Variants in CHEK1 observed in about 807,000 individuals in gnomAD.
CHEK1 encodes checkpoint kinase 1.
Under a neutral mutation model 60.2 loss-of-function variants are expected in CHEK1, and 32 were observed. The observed-to-expected ratio is 0.53, with a 90% CI of 0.40 to 0.71. The LOEUF (loss-of-function observed/expected upper bound fraction) is 0.71. Ranked by LOEUF, CHEK1 falls within the 30% of genes least tolerant of loss-of-function variation. CHEK1 has a pLI of 0.00. For missense variants in CHEK1, 399 were observed against 564.6 expected (o/e 0.71, Z 2.97); for synonymous variants, 179 against 187.2 (o/e 0.96, Z 0.36).
chr11:125,675,617 C>T (rs1403731825), intron 13 of CHEK1, among the ~76,000 whole-genome samples: 1 of 152,208 alleles, frequency 6.6e-6, no homozygotes, highest in Non-Finnish European at 1.5e-5. Context: ...TGGGAATATA[C>T]TCAGACTGGT....
At position 125,656,011 on chromosome 11, in the gene CHEK1, T is replaced by G. The variant is rs1941893141; in HGVS notation, c.*691T>G. On this transcript the variant is annotated 3_prime_UTR_variant, in exon 13 of 13. Transcript: ENST00000438015. ...ACATCTTAAATATTTTTCTATATTT[T>G]CTACTTTCATAGCCATATTTTAACC... 1 of 209,844 alleles carries G rather than the reference T, an allele frequency of 4.8e-6. No homozygotes were observed. Among genetic ancestry groups the G allele is most frequent in the African/African-American group, 2.3e-5 (1 of 44,068 alleles). The allele number at this position is 209,844 out of a possible 1,614,324, so 13.0% of individuals were successfully genotyped here.
At chr11:125,631,954 G>A (rs1198431653) in intron 5 of CHEK1, among the ~76,000 whole-genome samples, 1 of 149,220 alleles carries the variant, frequency 6.7e-6, no homozygotes, top group African/African-American at 2.5e-5. Context: ...TACATATTGT[G>A]TGAATGTACT....
chr11:125,628,983 A>G (rs576324611), intron 3 of CHEK1, among the ~76,000 whole-genome samples: 3 of 152,316 alleles, frequency 2.0e-5, no homozygotes, highest in Admixed American at 6.5e-5. Context: ...CTTTGAAGTC[A>G]TGGCTTGCAT....
intron 7 of CHEK1, 85 bp from the exon 8 acceptor site, chr11:125,637,363 CT>C: frequency 1.1e-6 from 1 of 938,518 alleles, no homozygotes; most frequent in Middle Eastern, 2.2e-4. Context: ...CATAAGTAGG[CT>C]AACAGAAAAT....
chr11:125,676,282 G>A (rs1219618745), downstream of CHEK1: 1 of 1,544,936 alleles, frequency 6.5e-7, no homozygotes, highest in African/African-American at 1.4e-5. Flanking sequence ...CTGGGCCCCT[G>A]TCATTCCAAC....
intron 5 of CHEK1, among the ~76,000 whole-genome samples, chr11:125,631,920 A>G (rs1940880896): frequency 6.7e-6 from 1 of 150,018 alleles, no homozygotes; most frequent in Non-Finnish European, 1.5e-5. Context: ...CCTAAGTCAG[A>G]TAGAGGTAAA....
At chr11:125,677,653 G>C, downstream of CHEK1, 1 of 1,143,978 alleles carries the variant, frequency 8.7e-7, no homozygotes, top group Non-Finnish European at 1.2e-6. Flanking sequence ...ATTGTGACGA[G>C]AACTAGAGAG....
downstream of CHEK1, among the ~76,000 whole-genome samples, chr11:125,660,776 C>T (rs1041568689): frequency 6.6e-6 from 1 of 151,386 alleles, no homozygotes; most frequent in African/African-American, 2.4e-5. Context: ...AAAAAGTTTG[C>T]ATGGCATAAC....
At chr11:125,650,537 G>C (rs538721736) in intron 11 of CHEK1, among the ~76,000 whole-genome samples, 1 of 147,800 alleles carries the variant, frequency 6.8e-6, no homozygotes, top group East Asian at 2.0e-4. Flanking sequence ...GCTCACTGCA[G>C]CCTCCACCTC....
At chr11:125,648,597 A>C (rs1941594378) in intron 11 of CHEK1, among the ~76,000 whole-genome samples, 1 of 150,798 alleles carries the variant, frequency 6.6e-6, no homozygotes, top group South Asian at 2.1e-4. Context: ...AAAAAAAATT[A>C]CATTGTTTAT....
chr11:125,642,403 A>G (rs976395158), intron 8 of CHEK1, among the ~76,000 whole-genome samples: 1 of 152,168 alleles, frequency 6.6e-6, no homozygotes, highest in East Asian at 1.9e-4. Context: ...CCTCAGTAGA[A>G]TGTAGGATTT....
chr11:125,650,626 G>C (rs113437255), intron 11 of CHEK1, among the ~76,000 whole-genome samples: 1 of 151,650 alleles, frequency 6.6e-6, no homozygotes. Flanking sequence ...CTGGCTTTTT[G>C]TATTTTTATT....
chr11:125,678,978 T>TTATATTTATATATATATATA (rs1555078668), downstream of CHEK1, among the ~76,000 whole-genome samples: 2 of 88,430 alleles, frequency 2.3e-5, no homozygotes, highest in African/African-American at 4.3e-5. Context: ...TCTAGGCATA[T>TTATATTTATATATATATATA]TATATATATA....
intron 12 of CHEK1, among the ~76,000 whole-genome samples, chr11:125,654,236 A>C (rs893947683): frequency 6.6e-6 from 1 of 152,126 alleles, no homozygotes; most frequent in Non-Finnish European, 1.5e-5. Flanking sequence ...AGGCTGAAGC[A>C]GGAGAATCAT....
chr11:125,672,455 T>A, intron 13 of CHEK1: 2 of 941,420 alleles, frequency 2.1e-6, no homozygotes, highest in South Asian at 1.7e-5. Context: ...AAAGATAGGA[T>A]GTTTGAGCAT....
chr11:125,648,369 T>C (rs1406261903), intron 11 of CHEK1, among the ~76,000 whole-genome samples: 1 of 151,968 alleles, frequency 6.6e-6, no homozygotes, highest in East Asian at 1.9e-4. Flanking sequence ...GATCATGAGG[T>C]CAAGCGTTTG....
intron 11 of CHEK1, among the ~76,000 whole-genome samples, chr11:125,647,828 A>C (rs948365911): frequency 1.3e-5 from 2 of 152,200 alleles, no homozygotes; most frequent in Non-Finnish European, 2.9e-5. Flanking sequence ...TTGTGCATGA[A>C]ACAAAGTTTG....
chr11:125,637,674 G>C, intron 8 of CHEK1, 130 bp downstream of exon 8: 1 of 495,460 alleles, frequency 2.0e-6, no homozygotes, highest in Non-Finnish European at 3.4e-6. Flanking sequence ...ATGTCCAGTA[G>C]AAAAAAATAC....
chr11:125,651,284 CTCTTTT>C (rs1941718439), intron 11 of CHEK1, among the ~76,000 whole-genome samples: 1 of 133,190 alleles, frequency 7.5e-6, no homozygotes. Flanking sequence ...AAAGACAAGC[CTCTTTT>C]TTTTTTTTTT....
Sources: gnomAD v4.1 joint callset for allele counts (sites outside exome capture counted in the v4.1 genomes callset) on GRCh38, gnomAD v4.1.1 for gene constraint, MANE v1.5 for transcripts, NCBI Gene and HGNC (gene_info 2026-07-23, HGNC 2026-07-21) for gene names.